The following GRAMD2B variants were observed in gnomAD, a reference collection of about 807,000 sequenced individuals.
The protein encoded by GRAMD2B is GRAM domain-containing protein 2B.
Under a neutral mutation model 59.2 loss-of-function variants are expected in GRAMD2B, and 41 were observed. That is an observed-to-expected ratio of 0.69 (90% confidence interval 0.54 to 0.90). The LOEUF (loss-of-function observed/expected upper bound fraction) is 0.90, where lower values mean the gene tolerates loss of function less well. GRAMD2B is among the 40% of genes least tolerant of loss of function. The probability of loss-of-function intolerance (pLI) is 0.00; values close to 1 mark genes in which losing one functional copy is unlikely to be tolerated. For missense variants in GRAMD2B, 424 were observed against 500.5 expected, an observed-to-expected ratio of 0.85 and a Z score of 1.46; for synonymous variants, 161 against 182.7, an observed-to-expected ratio of 0.88 and a Z score of 0.96.
intron 1 of GRAMD2B, among the ~76,000 whole-genome samples, chr5:126,454,296 G>A (rs1765884753): frequency 6.6e-6 from 1 of 152,158 alleles, no homozygotes. Context: ...TGTCTCAGGA[G>A]GATGAATCGC....
At chr5:126,464,210 G>A (rs139274119) in intron 1 of GRAMD2B, among the ~76,000 whole-genome samples, 1 of 152,282 alleles carries the variant, frequency 6.6e-6, no homozygotes, top group East Asian at 1.9e-4. Flanking sequence ...GGCATTTCCT[G>A]CCTGCACAGT....
Position 126,446,118 on chromosome 5 carries a change from A to G in GRAMD2B, c.84-19308A>G, listed in dbSNP as rs377287598. Among the ~76,000 whole-genome samples the G allele has an allele frequency of 2.9e-4, 44 of 152,318 alleles. No homozygotes were observed. In the East Asian group the frequency reaches 3.3e-3, roughly 11 times the overall value. On this transcript the variant is annotated intron_variant, in intron 1 of 13. Transcript: ENST00000285689. ...CTAATAGTTTCCCTGAAAAACAGCC[A>G]TATTTCACTCATTTTTTTAAAAATC...
At chr5:126,396,713 G>A (rs543050065) in intron 1 of GRAMD2B, among the ~76,000 whole-genome samples, 60 of 152,176 alleles carry the variant, frequency 3.9e-4, no homozygotes, top group South Asian at 1.0e-3. Context: ...TTGGTAGGTC[G>A]AATGGTATTT....
At position 126,473,315 on chromosome 5, in the gene GRAMD2B, G is replaced by A; in HGVS notation, c.433G>A (p.Val145Ile). 1 of 1,542,576 alleles carries A rather than the reference G, an allele frequency of 6.5e-7. No individual in the cohort carries two copies. Among genetic ancestry groups the A allele is most frequent in the African/African-American group, 1.4e-5 (1 of 71,580 alleles). Reference protein sequence around the residue: ...KEILYQGKLFVSENWICFHSK... With the variant: ...KEILYQGKLFISENWICFHSK... Reference sequence around the variant, plus strand: ...AATACTATACCAAGGAAAGCTCTTTGTATCAGAAAACTGGATTTGTTTTCA... The same window carrying A: ...AATACTATACCAAGGAAAGCTCTTTATATCAGAAAACTGGATTTGTTTTCA... The change falls in exon 5 of 14, where the codon GTA becomes ATA. Residue 145 changes from valine to isoleucine, a missense_variant. By Grantham distance (29) the Val-to-Ile change is conservative. Transcript: ENST00000285689.
chr5:126,360,495 GGGAGT>G, intron 1 of GRAMD2B: 1 of 1,542,036 alleles, frequency 6.5e-7, no homozygotes, highest in East Asian at 2.5e-5. Flanking sequence ...AAAACCATTT[GGGAGT>G]GGAGTGTGGC....
chr5:126,368,095 A>T (rs1754551975), upstream of GRAMD2B, among the ~76,000 whole-genome samples: 1 of 151,586 alleles, frequency 6.6e-6, no homozygotes, highest in Non-Finnish European at 1.5e-5. Flanking sequence ...GGAAGGATAT[A>T]AAAGAGTCTC....
At chr5:126,486,788 TG>T (rs1773020483) in intron 11 of GRAMD2B, 84 bp from the exon 12 acceptor site, 1 of 755,240 alleles carries the variant, frequency 1.3e-6, no homozygotes, top group Non-Finnish European at 2.3e-6. Flanking sequence ...TTGCCTCGGG[TG>T]TACCACATTG....
chr5:126,364,825 C>G (rs1754368881), intron 1 of GRAMD2B, among the ~76,000 whole-genome samples: 1 of 152,298 alleles, frequency 6.6e-6, no homozygotes, highest in East Asian at 1.9e-4. Context: ...TGTTCATTCC[C>G]AAACAAATCT....
At chr5:126,413,419 G>A (rs141572277) in intron 1 of GRAMD2B, among the ~76,000 whole-genome samples, 6 of 151,996 alleles carry the variant, frequency 3.9e-5, no homozygotes, top group Non-Finnish European at 5.9e-5. Context: ...AGTTTTGAGA[G>A]ATCTTCTTGG....
Position 126,447,524 on chromosome 5 carries a change from C to T in GRAMD2B, c.84-17902C>T, listed in dbSNP as rs568928751. 1.5e-4 allele frequency among the ~76,000 whole-genome samples: 23 copies of T among 152,074 alleles called. No homozygotes were observed. The South Asian group carries it at 3.1e-3, about 21-fold the overall frequency. On this transcript the variant is annotated intron_variant, in intron 1 of 13. Coordinates refer to ENST00000285689, the MANE Select transcript of GRAMD2B (RefSeq NM_023927.4). ...AAAAAAATACAAAAAATTAGCCGGG[C>T]GTGGTGGCGGGCGCCTGTAGTCCCA...
chr5:126,383,088 G>A lies in GRAMD2B; in HGVS notation c.125+11521G>A, dbSNP rs1016773155. On this transcript the variant is annotated intron_variant, in intron 1 of 8. Transcript: ENST00000506445. ...GCCATGGATACCAGCACCTTCCCCA[G>A]TGGAGGTAGCCGGGGAGTGAAGTAA... is the stretch of plus-strand genomic sequence containing the variant. Among the ~76,000 whole-genome samples the A allele has an allele frequency of 2.6e-5, 4 of 152,350 alleles. No individual in the cohort carries two copies. The South Asian group carries it at 8.3e-4, about 32-fold the overall frequency.
rs1276886012 is a variant in GRAMD2B at position 126,423,940 on chromosome 5, G to GGGAAAATAATTTTGT, written c.83+252_83+266dup. ...CTTAATTCAAAACTCACTGGATGTT[G>GGGAAAATAATTTTGT]GGAAAATAATTTTGTAGAAAATAAG... On this transcript the variant is annotated intron_variant, in intron 1 of 13. Coordinates refer to ENST00000285689, the MANE Select transcript of GRAMD2B (RefSeq NM_023927.4). Among the ~76,000 whole-genome samples the GGGAAAATAATTTTGT allele has an allele frequency of 2.6e-5, 4 of 152,294 alleles. No homozygotes were observed. In the South Asian group the frequency reaches 8.3e-4, roughly 32 times the overall value.
intron 1 of GRAMD2B, among the ~76,000 whole-genome samples, chr5:126,363,320 A>T (rs1479153786): frequency 6.6e-6 from 1 of 152,160 alleles, no homozygotes; most frequent in East Asian, 1.9e-4. Flanking sequence ...AAAAAAAAGA[A>T]GTGTTGGCAA....
chr5:126,437,176 T>C (rs1259968718), intron 1 of GRAMD2B, among the ~76,000 whole-genome samples: 1 of 152,158 alleles, frequency 6.6e-6, no homozygotes, highest in Non-Finnish European at 1.5e-5. Flanking sequence ...TGAAGATAGA[T>C]TTGTTGGAGA....
chr5:126,442,154 A>G (rs780870597), intron 1 of GRAMD2B, among the ~76,000 whole-genome samples: 33 of 151,654 alleles, frequency 2.2e-4, no homozygotes, highest in Non-Finnish European at 4.3e-4. Flanking sequence ...AAAAACAGAT[A>G]GGATTTGAAT....
At chr5:126,422,913 C>T (rs537385428), upstream of GRAMD2B, among the ~76,000 whole-genome samples, 69 of 141,374 alleles carry the variant, frequency 4.9e-4, no homozygotes, top group Admixed American at 1.1e-3. Flanking sequence ...GCCCCTCTAA[C>T]CACCCCCCCC....
chr5:126,453,174 A>G lies in GRAMD2B; in HGVS notation c.84-12252A>G, dbSNP rs138053464. Among the ~76,000 whole-genome samples, 374 of 152,246 alleles carry G rather than the reference A, an allele frequency of 2.5e-3. 1 individual carries two copies. Among genetic ancestry groups the G allele is most frequent in the African/African-American group, 8.1e-3 (336 of 41,534 alleles). ...ACATGGTGAAATTCTGTCTCTATTA[A>G]AAATACAAAAATTAACTGGGCATGA... On this transcript the variant is annotated intron_variant, in intron 1 of 13. Coordinates refer to ENST00000285689, the MANE Select transcript of GRAMD2B (RefSeq NM_023927.4).
At chr5:126,437,193 C>CA (rs1318014519) in intron 1 of GRAMD2B, among the ~76,000 whole-genome samples, 1 of 152,080 alleles carries the variant, frequency 6.6e-6, no homozygotes, top group East Asian at 1.9e-4. Context: ...GAGAACAAAG[C>CA]AGGAAGCAGG....
intron 1 of GRAMD2B, among the ~76,000 whole-genome samples, chr5:126,383,796 A>T (rs1209609460): frequency 6.6e-6 from 1 of 152,188 alleles, no homozygotes; most frequent in African/African-American, 2.4e-5. Context: ...TTCGAGGGTC[A>T]TTTAATTCCA....
Sources: gnomAD v4.1 joint callset for allele counts (sites outside exome capture counted in the v4.1 genomes callset) on GRCh38, gnomAD v4.1.1 for gene constraint, MANE v1.5 for transcripts, NCBI Gene and HGNC (gene_info 2026-07-23, HGNC 2026-07-21) for gene names.